Variants in FIRRM observed in about 807,000 individuals in gnomAD.
The protein encoded by FIRRM is FIGNL1 interacting regulator of recombination and mitosis, also known as FIGNL1-interacting regulator of recombination and mitosis.
the FIRRM span, among the ~76,000 whole-genome samples, chr1:169,838,548 G>T: frequency 2.0e-5 from 3 of 151,996 alleles, no homozygotes; most frequent in African/African-American, 7.3e-5. Context: ...AGAGTGCAGT[G>T]GCATGATTTT....
chr1:169,822,303 G>A, the FIRRM span, among the ~76,000 whole-genome samples: 1 of 152,168 alleles, frequency 6.6e-6, no homozygotes, highest in Non-Finnish European at 1.5e-5. Context: ...TACCAGCCAT[G>A]GCATTCTGAC....
chr1:169,814,296 A>G, the FIRRM span, among the ~76,000 whole-genome samples: 1 of 152,256 alleles, frequency 6.6e-6, no homozygotes, highest in African/African-American at 2.4e-5. Flanking sequence ...AGAAATGTAA[A>G]CAAAGGTAAA....
the FIRRM span, among the ~76,000 whole-genome samples, chr1:169,812,030 A>G: frequency 6.6e-6 from 1 of 152,222 alleles, no homozygotes; most frequent in Non-Finnish European, 1.5e-5. Flanking sequence ...TGGCATTAAG[A>G]TGCAAACTTT....
the FIRRM span, among the ~76,000 whole-genome samples, chr1:169,789,273 T>C: frequency 6.6e-6 from 1 of 152,190 alleles, no homozygotes; most frequent in Non-Finnish European, 1.5e-5. Flanking sequence ...CAAATGACCA[T>C]TTAGTAAGCA....
chr1:169,811,687 A>AG, the FIRRM span, among the ~76,000 whole-genome samples: 1 of 145,066 alleles, frequency 6.9e-6, no homozygotes, highest in African/African-American at 2.5e-5. Context: ...CTAAATAGAT[A>AG]ATAGACAGAT....
the FIRRM span, among the ~76,000 whole-genome samples, chr1:169,839,383 A>G: frequency 6.6e-6 from 1 of 152,172 alleles, no homozygotes; most frequent in South Asian, 2.1e-4. Flanking sequence ...ATTCCTACCA[A>G]CAGTATATAA....
At chr1:169,842,619 G>T in the FIRRM span, 24 of 1,512,634 alleles carry the variant, frequency 1.6e-5, no homozygotes, top group Non-Finnish European at 2.1e-5. Context: ...ATTTTCCAGT[G>T]TAGAGTAAAA....
At chr1:169,852,978 T>C in the FIRRM span, 1 of 1,613,844 alleles carries the variant, frequency 6.2e-7, no homozygotes, top group Non-Finnish European at 8.5e-7. Flanking sequence ...ACATACATAC[T>C]CTAGGGTGAA....
the FIRRM span, chr1:169,792,831 G>C: frequency 1.2e-6 from 2 of 1,613,844 alleles, no homozygotes. Context: ...GTGAGAATGA[G>C]ATCATATTTT....
At chr1:169,836,827 T>G in the FIRRM span, 1 of 799,414 alleles carries the variant, frequency 1.3e-6, no homozygotes, top group Non-Finnish European at 1.9e-6. Context: ...TTATAAAGCT[T>G]TCTCGAAATA....
chr1:169,793,567 C>G, the FIRRM span: 4 of 1,614,070 alleles, frequency 2.5e-6, no homozygotes, highest in Admixed American at 1.7e-5. Context: ...TTCTGTCCCT[C>G]TCTTCTCCTT....
At chr1:169,830,712 C>G in the FIRRM span, 1 of 1,613,788 alleles carries the variant, frequency 6.2e-7, no homozygotes, top group Non-Finnish European at 8.5e-7. Context: ...GACTGCTGAA[C>G]TGTGTGCACA....
the FIRRM span, chr1:169,842,366 T>G: frequency 1.3e-6 from 2 of 1,557,522 alleles, no homozygotes; most frequent in Non-Finnish European, 1.7e-6. Flanking sequence ...CTCTTGGTGG[T>G]GCTTTAGACT....
At chr1:169,842,554 T>G in the FIRRM span, 1 of 1,610,798 alleles carries the variant, frequency 6.2e-7, no homozygotes, top group Non-Finnish European at 8.5e-7. Flanking sequence ...GGAAAGCAAC[T>G]GATCCTTTCC....
At chr1:169,846,852 G>T in the FIRRM span, among the ~76,000 whole-genome samples, 1 of 152,068 alleles carries the variant, frequency 6.6e-6, no homozygotes, top group African/African-American at 2.4e-5. Flanking sequence ...TTGCATTCAC[G>T]ACTTGGCTAA....
chr1:169,798,329 G>A, the FIRRM span, among the ~76,000 whole-genome samples: 114 of 150,974 alleles, frequency 7.6e-4, no homozygotes, highest in African/African-American at 2.7e-3. Flanking sequence ...GTGCAATGGC[G>A]CGATCTTGGC....
chr1:169,836,804 T>C, the FIRRM span: 1 of 628,960 alleles, frequency 1.6e-6, no homozygotes, highest in Non-Finnish European at 2.7e-6. Flanking sequence ...GGAATGTAGA[T>C]ATTACCGTAC....
At chr1:169,847,578 G>T in the FIRRM span, 1 of 700,980 alleles carries the variant, frequency 1.4e-6, no homozygotes, top group East Asian at 2.6e-5. Context: ...TTTTTTTCTG[G>T]GTTTGGTTTT....
chr1:169,852,511 T>C, the FIRRM span: 8 of 424,348 alleles, frequency 1.9e-5, no homozygotes, highest in Non-Finnish European at 3.4e-5. Flanking sequence ...AAGCTTGGAC[T>C]ATGCAGCACT....
Sources: allele counts gnomAD v4.1 joint callset (sites outside exome capture counted in the v4.1 genomes callset), GRCh38; gene constraint gnomAD v4.1.1; transcripts MANE v1.5; gene names NCBI Gene and HGNC (gene_info 2026-07-23, HGNC 2026-07-21).